Variants in RALGPS1 observed in about 807,000 individuals in gnomAD.
RALGPS1 encodes the protein Ral GEF with PH domain and SH3 binding motif 1, also known as ras-specific guanine nucleotide-releasing factor RalGPS1.
Under a neutral mutation model 78.8 loss-of-function variants are expected in RALGPS1, and 19 were observed. That is an observed-to-expected ratio of 0.24 (90% confidence interval 0.17 to 0.35). RALGPS1 has a LOEUF of 0.35. Ranked by LOEUF, RALGPS1 falls within the 10% of genes least tolerant of loss-of-function variation. RALGPS1 has a pLI of 1.00. For synonymous variants in RALGPS1, 228 were observed against 256.3 expected (o/e 0.89, Z 1.06); for missense variants, 454 against 688.3 (o/e 0.66, Z 3.81).
intron 10 of RALGPS1, among the ~76,000 whole-genome samples, chr9:127,174,261 G>GAA (rs1020127049): frequency 2.2e-5 from 3 of 137,094 alleles, no homozygotes; most frequent in Non-Finnish European, 4.8e-5. Flanking sequence ...AAGAAAGAAA[G>GAA]AAAAAGAGAG....
At chr9:127,147,459 C>T (rs1005554832) in intron 8 of RALGPS1, among the ~76,000 whole-genome samples, 19 of 152,234 alleles carry the variant, frequency 1.2e-4, no homozygotes, top group South Asian at 2.1e-4. Context: ...CCAAGGCTGA[C>T]GTCAAGAAGA....
intron 4 of RALGPS1, among the ~76,000 whole-genome samples, chr9:127,000,807 G>T (rs921739122): frequency 6.6e-6 from 1 of 151,382 alleles, no homozygotes; most frequent in African/African-American, 2.4e-5. Context: ...ACCTGCCTCA[G>T]CCTCCCAAAG....
chr9:127,070,966 G>T lies in RALGPS1; in HGVS notation c.610+1610G>T, dbSNP rs548118132. Reference sequence around the variant, plus strand: ...TTGTTCCAGATTTTCAATATTACTAGCATAGTTTTTTTCTTATTTAATTTT... The same window carrying T: ...TTGTTCCAGATTTTCAATATTACTATCATAGTTTTTTTCTTATTTAATTTT... On this transcript the variant is annotated intron_variant, in intron 8 of 18. Transcript: ENST00000259351. Among the ~76,000 whole-genome samples, 10 of 151,032 alleles carry T rather than the reference G, an allele frequency of 6.6e-5. No homozygotes were observed. The South Asian group carries it at 1.9e-3, about 28-fold the overall frequency.
At chr9:126,924,668 G>C (rs963343602) in intron 1 of RALGPS1, among the ~76,000 whole-genome samples, 1 of 152,204 alleles carries the variant, frequency 6.6e-6, no homozygotes, top group Admixed American at 6.5e-5. Flanking sequence ...GCTGGATGAT[G>C]ATAAAGGATT....
At chr9:127,131,565 G>C (rs2057005970) in intron 8 of RALGPS1, among the ~76,000 whole-genome samples, 1 of 152,212 alleles carries the variant, frequency 6.6e-6, no homozygotes. Flanking sequence ...CAGGCTCAGA[G>C]TGGTGAGGGA....
chr9:127,213,171 C>G (rs1280879337), intron 17 of RALGPS1, 122 bp downstream of exon 17: 1 of 1,486,626 alleles, frequency 6.7e-7, no homozygotes, highest in East Asian at 2.5e-5. Context: ...GCTTTAGATT[C>G]TGACGTTCAT....
intron 10 of RALGPS1, among the ~76,000 whole-genome samples, chr9:127,171,300 T>C (rs1332637052): frequency 2.0e-5 from 3 of 152,184 alleles, no homozygotes; most frequent in African/African-American, 7.2e-5. Flanking sequence ...AATATTAAAA[T>C]TGGATTCTAC....
At chr9:127,063,171 C>G (rs1445347804) in intron 7 of RALGPS1, among the ~76,000 whole-genome samples, 1 of 152,170 alleles carries the variant, frequency 6.6e-6, no homozygotes, top group African/African-American at 2.4e-5. Flanking sequence ...ATTTTTTTCT[C>G]CTCCATGGAG....
rs536677119 is a variant in RALGPS1 at position 127,032,726 on chromosome 9, A to C, written c.217-1705A>C. 4.6e-5 allele frequency among the ~76,000 whole-genome samples: 7 copies of C among 152,370 alleles called. No individual in the cohort carries two copies. In the East Asian group the frequency reaches 1.2e-3, roughly 25 times the overall value. ...GAACATAGCCTGGGTGCAGTGGCTC[A>C]TGCCTGTAATCCCAGCCCTTTTGGA... is the stretch of plus-strand genomic sequence containing the variant. On this transcript the variant is annotated intron_variant, in intron 4 of 18. Transcript: ENST00000259351.
At chr9:126,942,568 C>A (rs953921932) in intron 1 of RALGPS1, among the ~76,000 whole-genome samples, 3 of 152,214 alleles carry the variant, frequency 2.0e-5, no homozygotes, top group African/African-American at 7.2e-5. Flanking sequence ...TCTTGTCCTG[C>A]AAATCTGTTT....
chr9:127,222,743 T>C lies in RALGPS1; in HGVS notation c.*3974T>C, dbSNP rs1225240898. The stretch of plus-strand genomic sequence containing the variant: ...TTAATTAGTATGGTATAATCTTTAA[T>C]AAATTTCGTGCCAAAATGCATGGTT... On this transcript the variant is annotated 3_prime_UTR_variant, in exon 19 of 19. Coordinates refer to ENST00000259351, the MANE Select transcript of RALGPS1 (RefSeq NM_014636.3). 2 of 152,690 alleles carry C rather than the reference T, an allele frequency of 1.3e-5. No homozygotes were observed. Among genetic ancestry groups the C allele is most frequent in the African/African-American group, 4.8e-5 (2 of 41,472 alleles). 9.5% of individuals were successfully genotyped at this position (152,690 alleles called of 1,614,324 possible).
intron 18 of RALGPS1, chr9:127,217,248 C>T (rs1346239745): frequency 4.2e-6 from 5 of 1,204,286 alleles, no homozygotes; most frequent in Non-Finnish European, 5.2e-6. Context: ...GGGGATTTTT[C>T]TTCCTACTTT....
intron 3 of RALGPS1, among the ~76,000 whole-genome samples, chr9:126,966,787 TA>T (rs531734787): frequency 3.3e-5 from 5 of 151,496 alleles, no homozygotes; most frequent in African/African-American, 9.7e-5. Context: ...AAATATAAAT[TA>T]AAAAAAAAGA....
At chr9:127,210,823 T>C in intron 14 of RALGPS1, 1 of 1,490,040 alleles carries the variant, frequency 6.7e-7, no homozygotes, top group Non-Finnish European at 9.2e-7. Context: ...CATAGCTTGT[T>C]ATGTGGCCTT....
chr9:126,959,593 C>CTTTTTT (rs11296664), intron 1 of RALGPS1, among the ~76,000 whole-genome samples: 1 of 144,170 alleles, frequency 6.9e-6, no homozygotes, highest in Non-Finnish European at 1.5e-5. Flanking sequence ...CTGACCAGTT[C>CTTTTTT]TTTTTTTTTT....
chr9:126,950,661 A>G (rs2037726089), intron 1 of RALGPS1, among the ~76,000 whole-genome samples: 1 of 152,108 alleles, frequency 6.6e-6, no homozygotes, highest in African/African-American at 2.4e-5. Context: ...GACACATTCA[A>G]AGCAGTGTGT....
At chr9:127,071,475 A>G (rs960853680) in intron 8 of RALGPS1, among the ~76,000 whole-genome samples, 15 of 152,356 alleles carry the variant, frequency 9.8e-5, no homozygotes, top group Middle Eastern at 3.4e-3. Flanking sequence ...CATCTTAAAC[A>G]TAATGAAATA....
At position 127,034,525 on chromosome 9, in the gene RALGPS1, C is replaced by G. The variant is rs761044920; in HGVS notation, c.300+11C>G. 6.2e-7 allele frequency: 1 copy of G among 1,611,168 alleles called. No homozygotes were observed. Among genetic ancestry groups the G allele is most frequent in the South Asian group, 1.1e-5 (1 of 91,010 alleles). Reference sequence around the variant, plus strand: ...CGGAGGTTTAACCAGGTAAGCAACACCCCTTGCATGTGCCTATCCAGAGAG... The same window carrying G: ...CGGAGGTTTAACCAGGTAAGCAACAGCCCTTGCATGTGCCTATCCAGAGAG... On this transcript the variant is annotated intron_variant, in intron 5 of 18. Transcript: ENST00000259351.
intron 8 of RALGPS1, among the ~76,000 whole-genome samples, chr9:127,086,214 A>G (rs2051719124): frequency 6.6e-6 from 1 of 152,244 alleles, no homozygotes; most frequent in African/African-American, 2.4e-5. Context: ...AGAAAAAGCT[A>G]TCATATGGTT....
Sources: allele counts gnomAD v4.1 joint callset (sites outside exome capture counted in the v4.1 genomes callset), GRCh38; gene constraint gnomAD v4.1.1; transcripts MANE v1.5; gene names NCBI Gene and HGNC (gene_info 2026-07-23, HGNC 2026-07-21).